CDC25C: variants seen among roughly 807,000 people sequenced by gnomAD.
CDC25C encodes the protein cell division cycle 25C.
CDC25C carries 48 observed loss-of-function variants against 52.5 expected under a neutral mutation model. The observed-to-expected ratio is 0.91, with a 90% CI of 0.72 to 1.16. The LOEUF is 1.16. Among genes scored for constraint, CDC25C ranks in the 50% most tolerant of loss-of-function variants. CDC25C has a pLI of 0.00. For synonymous variants in CDC25C, 187 were observed against 206.5 expected (o/e 0.91, Z 0.81); for missense variants, 510 against 566.1 (o/e 0.90, Z 1.01).
intron 10 of CDC25C, 67 bp downstream of exon 10, chr5:138,289,434 T>C (rs984660763): frequency 8.6e-7 from 1 of 1,157,514 alleles, no homozygotes; most frequent in Non-Finnish European, 1.3e-6. Context: ...GAAATGGGCA[T>C]TTTAGGGACA....
chr5:138,338,347 G>A (rs991012902), upstream of CDC25C: 4 of 440,500 alleles, frequency 9.1e-6, no homozygotes, highest in African/African-American at 2.1e-5. Flanking sequence ...GCCTCGGGGC[G>A]GGCACCTCAA....
At chr5:138,317,998 G>A (rs1464790459) in intron 7 of CDC25C, among the ~76,000 whole-genome samples, 31 of 152,238 alleles carry the variant, frequency 2.0e-4, no homozygotes, top group African/African-American at 5.1e-4. Context: ...TTTCTGTAGT[G>A]ACCTGATAAC....
intron 6 of CDC25C, 140 bp downstream of exon 6, chr5:138,325,674 AG>A: frequency 1.6e-6 from 1 of 640,510 alleles, no homozygotes; most frequent in Non-Finnish European, 2.6e-6. Flanking sequence ...ACAAAAACAA[AG>A]AAATTTTCTC....
chr5:138,303,918 C>T (rs1444477170), intron 7 of CDC25C, among the ~76,000 whole-genome samples: 1 of 152,118 alleles, frequency 6.6e-6, no homozygotes, highest in African/African-American at 2.4e-5. Context: ...TAGATAGGAG[C>T]AGGGACACTT....
upstream of CDC25C, chr5:138,332,004 TAGTGTTTGGCCCACC>T: frequency 5.5e-6 from 4 of 729,682 alleles, no homozygotes; most frequent in Non-Finnish European, 6.7e-6. Context: ...CAGAGCAGGA[TAGTGTTTGGCCCACC>T]AGCGTTAGGC....
chr5:138,331,563 T>C, intron 1 of CDC25C, 32 bp downstream of exon 1: 1 of 1,049,470 alleles, frequency 9.5e-7, no homozygotes. Flanking sequence ...GGGGTCTCCG[T>C]GATTCCGTGG....
rs911523031 is a variant in CDC25C at position 138,337,865 on chromosome 5, G to A, written c.13+91C>T. 5 of 871,102 alleles carry A rather than the reference G, an allele frequency of 5.7e-6. No individual in the cohort carries two copies. The African/African-American group carries it at 8.9e-5, about 15-fold the overall frequency. 54.0% of individuals were successfully genotyped at this position (871,102 alleles called of 1,614,324 possible). A position where few individuals can be genotyped will look rare whatever the true frequency, so the allele number is the denominator to read the frequency against. On this transcript the variant is annotated intron_variant, in intron 1 of 5. Coordinates refer to the CDC25C transcript ENST00000510119. ...GGCAGCAGAGCAGGTGAGGGGCACT[G>A]TGGCTAATTGCGTGACGCGGCCCGA...
At chr5:138,324,576 G>T (rs1658764131) in intron 6 of CDC25C, among the ~76,000 whole-genome samples, 1 of 152,068 alleles carries the variant, frequency 6.6e-6, no homozygotes, top group Admixed American at 6.6e-5. Flanking sequence ...TGGTCAACAT[G>T]GTGAAACCCT....
Position 138,285,849 on chromosome 5 carries a change from G to A in CDC25C, c.1273-8C>T. 1 of 1,613,718 alleles carries A rather than the reference G, an allele frequency of 6.2e-7. No homozygotes were observed. Among genetic ancestry groups the A allele is most frequent in the Non-Finnish European group, 8.5e-7 (1 of 1,179,642 alleles). The stretch of plus-strand genomic sequence containing the variant: ...CTGTGGTTCACACAGTTCCTGAAAG[G>A]TAAGGAACAGAGTAAGGGATTCTCT... On this transcript the variant is annotated splice_polypyrimidine_tract_variant and splice_region_variant and intron_variant, in intron 13 of 13. Coordinates refer to ENST00000323760, the MANE Select transcript of CDC25C (RefSeq NM_001790.5).
intron 11 of CDC25C, 91 bp from the exon 12 acceptor site, chr5:138,286,721 T>C (rs1489456508): frequency 1.6e-6 from 2 of 1,241,708 alleles, no homozygotes; most frequent in Non-Finnish European, 2.2e-6. Context: ...CCTGGGATAA[T>C]GTGGACCAGA....
intron 2 of CDC25C, among the ~76,000 whole-genome samples, chr5:138,330,726 C>A (rs1760300675): frequency 6.6e-6 from 1 of 152,202 alleles, no homozygotes; most frequent in African/African-American, 2.4e-5. Context: ...CCAGGCTGGT[C>A]TTGAACTCCT....
chr5:138,286,066 A>G lies in CDC25C; in HGVS notation c.1228T>C (p.Tyr410His). 1 of 1,614,108 alleles carries G rather than the reference A, an allele frequency of 6.2e-7. No homozygotes were observed. Among genetic ancestry groups the G allele is most frequent in the Non-Finnish European group, 8.5e-7 (1 of 1,179,960 alleles). ...QYPALYYPEL[Y>H]ILKGGYRDFF... Reference sequence around the variant, plus strand: ...TCTCTGTAGCCGCCTTTAAGGATATATAGCTCTGGGTAGTACAATGCAGGA... The same window carrying G: ...TCTCTGTAGCCGCCTTTAAGGATATGTAGCTCTGGGTAGTACAATGCAGGA... The change falls in exon 13 of 14, where the codon TAT becomes CAT. Residue 410 changes from tyrosine (Y) to histidine (H), a missense_variant. Transcript: ENST00000323760.
At chr5:138,324,339 G>A (rs776401869) in intron 6 of CDC25C, among the ~76,000 whole-genome samples, 5 of 152,048 alleles carry the variant, frequency 3.3e-5, no homozygotes, top group Admixed American at 1.3e-4. Flanking sequence ...GTAAATTCTT[G>A]TAACTTTTTT....
At chr5:138,337,179 C>G (rs932843891) in intron 1 of CDC25C, 1 of 152,138 alleles carries the variant, frequency 6.6e-6, no homozygotes, top group Admixed American at 6.6e-5. Flanking sequence ...TTTTGCTTGT[C>G]TCCCTAAACC....
intron 7 of CDC25C, among the ~76,000 whole-genome samples, chr5:138,299,449 T>C (rs1236324277): frequency 1.5e-5 from 2 of 130,776 alleles, no homozygotes; most frequent in African/African-American, 5.9e-5. Context: ...TGAGCCAAGA[T>C]CACACCACTG....
intron 4 of CDC25C, 62 bp from the exon 5 acceptor site, chr5:138,326,116 T>A: frequency 6.4e-7 from 1 of 1,551,046 alleles, no homozygotes; most frequent in South Asian, 1.1e-5. Context: ...TATTCTTCAG[T>A]GGATTGGTGC....
intron 6 of CDC25C, among the ~76,000 whole-genome samples, chr5:138,323,395 C>T (rs540405698): frequency 2.0e-5 from 3 of 152,160 alleles, no homozygotes; most frequent in East Asian, 1.9e-4. Context: ...GCTCTTGGGC[C>T]GAGGCGATCC....
chr5:138,290,578 CAG>C, intron 9 of CDC25C, 59 bp downstream of exon 9: 1 of 941,694 alleles, frequency 1.1e-6, no homozygotes, highest in East Asian at 2.4e-5. Flanking sequence ...TCTCGGCAAA[CAG>C]AGAAGATTCA....
In CDC25C at chr5:138,331,042, T is replaced by C; in HGVS notation, c.139A>G (p.Arg47Gly). 1 of 1,614,192 alleles carries C rather than the reference T, an allele frequency of 6.2e-7. No homozygotes were observed. Among genetic ancestry groups the C allele is most frequent in the Non-Finnish European group, 8.5e-7 (1 of 1,180,006 alleles). The stretch of plus-strand genomic sequence containing the variant: ...CCAAGAAATTTGCCCACTGGAGTTC[T>C]AGGGACATCTGGACAGACGGTAAAG... ...TSFTVCPDVP[R>G]TPVGKFLGDS... The change falls in exon 2 of 14, where the codon AGA becomes GGA. Residue 47 changes from arginine (R) to glycine (G), a missense_variant. Physicochemically the swap from Arg to Gly is moderately radical, Grantham distance 125. Transcript: ENST00000323760.
Sources: allele counts gnomAD v4.1 joint callset (sites outside exome capture counted in the v4.1 genomes callset), GRCh38; gene constraint gnomAD v4.1.1; transcripts MANE v1.5; gene names NCBI Gene and HGNC (gene_info 2026-07-23, HGNC 2026-07-21).